The following IQCM variants were observed in gnomAD, a reference collection of about 807,000 sequenced individuals.
IQCM encodes IQ domain-containing protein M.
Under a neutral mutation model 57.6 loss-of-function variants are expected in IQCM, and 45 were observed. The ratio of observed to expected loss-of-function variants is 0.78; its 90% CI spans 0.62 to 1.00. IQCM has a LOEUF of 1.00. Among genes scored for constraint, IQCM ranks in the 50% least tolerant of loss-of-function variants. IQCM has a pLI of 0.00. For synonymous variants in IQCM, 148 were observed against 158.9 expected (o/e 0.93, Z 0.51); for missense variants, 468 against 511.6 (o/e 0.91, Z 0.82).
At chr4:149,774,380 G>A (rs1462550039) in intron 2 of IQCM, among the ~76,000 whole-genome samples, 1 of 152,030 alleles carries the variant, frequency 6.6e-6, no homozygotes, top group Non-Finnish European at 1.5e-5. Flanking sequence ...ACCTACAGCA[G>A]CAACATGCTT....
At chr4:149,356,984 G>C (rs1226328272) in intron 13 of IQCM, among the ~76,000 whole-genome samples, 2 of 152,080 alleles carry the variant, frequency 1.3e-5, no homozygotes, top group South Asian at 2.1e-4. Context: ...TGGATTCCTA[G>C]GTATTTTATT....
intron 12 of IQCM, among the ~76,000 whole-genome samples, chr4:149,483,220 C>A (rs1741106607): frequency 6.6e-6 from 1 of 151,648 alleles, no homozygotes; most frequent in Non-Finnish European, 1.5e-5. Flanking sequence ...TGCAAAAAAA[C>A]TTTTTGTTTC....
chr4:149,439,637 TAATTTTAAGTACTCTATTTTAA>T (rs1735709749), intron 12 of IQCM, among the ~76,000 whole-genome samples: 1 of 152,072 alleles, frequency 6.6e-6, no homozygotes, highest in Non-Finnish European at 1.5e-5. Flanking sequence ...TTAAAGTGAT[TAATTTTAAGTACTCTATTTTAA>T]AAATATAAAT....
intron 5 of IQCM, among the ~76,000 whole-genome samples, chr4:149,713,654 A>G (rs1036158286): frequency 5.3e-5 from 8 of 152,160 alleles, no homozygotes; most frequent in African/African-American, 2.4e-5. Context: ...ACTAGAAGCA[A>G]TCAGAAGAGA....
At chr4:149,650,390 CA>C (rs750894005) in intron 7 of IQCM, among the ~76,000 whole-genome samples, 16 of 147,098 alleles carry the variant, frequency 1.1e-4, no homozygotes, top group East Asian at 4.1e-4. Context: ...ACCTTTGTTT[CA>C]ATTAATTTCT....
intron 12 of IQCM, among the ~76,000 whole-genome samples, chr4:149,508,918 A>G (rs983364095): frequency 2.0e-5 from 3 of 152,200 alleles, no homozygotes; most frequent in Non-Finnish European, 2.9e-5. Flanking sequence ...TGTTCTCATG[A>G]TAGTGAATAA....
At chr4:149,391,107 C>A (rs1017858482) in intron 13 of IQCM, among the ~76,000 whole-genome samples, 1 of 151,890 alleles carries the variant, frequency 6.6e-6, no homozygotes, top group African/African-American at 2.4e-5. Context: ...TAGAATCCAA[C>A]AATGAAGCTT....
intron 13 of IQCM, among the ~76,000 whole-genome samples, chr4:149,421,487 T>A (rs2111219156): frequency 6.6e-6 from 1 of 152,200 alleles, no homozygotes; most frequent in East Asian, 1.9e-4. Flanking sequence ...GAACATCTAT[T>A]ATTTGCAACA....
In IQCM at chr4:149,443,110, G is replaced by A. The variant is rs374092519; in HGVS notation, c.1229-9553C>T. Among the ~76,000 whole-genome samples the A allele has an allele frequency of 3.9e-5, 6 of 152,138 alleles. No individual in the cohort carries two copies. The East Asian group carries it at 7.8e-4, about 20-fold the overall frequency. Reference sequence around the variant, plus strand: ...GTTGAAACTCTTGTGCATGGCTGATGTTACTATTCACAGGCAGGATTTCTT... The same window carrying A: ...GTTGAAACTCTTGTGCATGGCTGATATTACTATTCACAGGCAGGATTTCTT... On this transcript the variant is annotated intron_variant, in intron 12 of 13. Coordinates refer to ENST00000636793, the MANE Select transcript of IQCM (RefSeq NM_001363507.2).
intron 12 of IQCM, among the ~76,000 whole-genome samples, chr4:149,503,997 A>G (rs1305519558): frequency 6.6e-6 from 1 of 152,178 alleles, no homozygotes; most frequent in Non-Finnish European, 1.5e-5. Context: ...CAAATAGACC[A>G]TTAACAAAAG....
intron 5 of IQCM, among the ~76,000 whole-genome samples, chr4:149,729,478 T>A (rs1451508008): frequency 2.0e-5 from 3 of 152,126 alleles, no homozygotes; most frequent in African/African-American, 7.2e-5. Context: ...TTTTTGTTGT[T>A]TTTTTTACCT....
chr4:149,813,933 G>T (rs537092935), intron 2 of IQCM, among the ~76,000 whole-genome samples: 5 of 152,086 alleles, frequency 3.3e-5, no homozygotes, highest in African/African-American at 1.2e-4. Context: ...GAACTCCAAA[G>T]CTTCATTACA....
chr4:149,776,423 G>T (rs1056308741), intron 2 of IQCM, among the ~76,000 whole-genome samples: 1 of 152,054 alleles, frequency 6.6e-6, no homozygotes, highest in Admixed American at 6.6e-5. Context: ...TTGAACTTAG[G>T]TTTTCTAATT....
At chr4:149,813,969 A>T (rs536661739) in intron 2 of IQCM, among the ~76,000 whole-genome samples, 34 of 152,188 alleles carry the variant, frequency 2.2e-4, no homozygotes, top group African/African-American at 7.9e-4. Context: ...GAACAACTGC[A>T]ATTCATTATG....
At chr4:149,502,085 G>C (rs1743301068) in intron 12 of IQCM, among the ~76,000 whole-genome samples, 1 of 146,456 alleles carries the variant, frequency 6.8e-6, no homozygotes, top group Admixed American at 6.6e-5. Context: ...AACCACTTAT[G>C]GGTAATTACT....
intron 8 of IQCM, among the ~76,000 whole-genome samples, chr4:149,590,247 C>CTTTTTTTTTTTTTTTTTTTTTTT (rs71596214): frequency 8.2e-5 from 6 of 73,608 alleles, no homozygotes; most frequent in Admixed American, 1.7e-4. Flanking sequence ...TTTTTCTTTC[C>CTTTTTTTTTTTTTTTTTTTTTTT]TTTTTTTTTT....
At chr4:149,794,755 A>G (rs1243963968) in intron 2 of IQCM, among the ~76,000 whole-genome samples, 1 of 152,174 alleles carries the variant, frequency 6.6e-6, no homozygotes, top group Non-Finnish European at 1.5e-5. Flanking sequence ...TGTAAGATAA[A>G]GTCAAGAAAC....
At chr4:149,548,699 T>C (rs546906604) in intron 11 of IQCM, 110 bp from the exon 12 acceptor site, 1 of 475,250 alleles carries the variant, frequency 2.1e-6, no homozygotes, top group South Asian at 1.2e-4. Flanking sequence ...ATGATTAGTC[T>C]AGCACTATAT....
At chr4:149,635,317 G>T (rs888627914) in intron 7 of IQCM, among the ~76,000 whole-genome samples, 4 of 152,156 alleles carry the variant, frequency 2.6e-5, no homozygotes, top group African/African-American at 9.7e-5. Context: ...TTAGAGCAAA[G>T]CATCAGAAAT....
Sources: gnomAD v4.1 joint callset for allele counts (sites outside exome capture counted in the v4.1 genomes callset) on GRCh38, gnomAD v4.1.1 for gene constraint, MANE v1.5 for transcripts, NCBI Gene and HGNC (gene_info 2026-07-23, HGNC 2026-07-21) for gene names.